Variants in GRIN2B observed in about 807,000 individuals in gnomAD.
GRIN2B encodes glutamate receptor ionotropic, NMDA 2B.
A neutral mutation model predicts 114.5 loss-of-function variants in GRIN2B; 5 were observed. The ratio of observed to expected loss-of-function variants is 0.04; its 90% CI spans 0.02 to 0.09. The LOEUF (loss-of-function observed/expected upper bound fraction) is 0.09. Ranked by LOEUF, GRIN2B falls within the 10% of genes least tolerant of loss-of-function variation. The pLI, the probability that GRIN2B is intolerant of heterozygous loss-of-function variation, is 1.00. For synonymous variants in GRIN2B, 787 were observed against 745.1 expected (o/e 1.06, Z -0.92); for missense variants, 1,108 against 1,943.5 (o/e 0.57, Z 8.08).
intron 10 of GRIN2B, among the ~76,000 whole-genome samples, chr12:13,590,267 A>G (rs1415247676): frequency 6.6e-6 from 1 of 152,102 alleles, no homozygotes; most frequent in African/African-American, 2.4e-5. Flanking sequence ...ACATGTGTAG[A>G]ACGTGCAGGT....
At chr12:13,631,934 G>A (rs1949618590) in intron 5 of GRIN2B, among the ~76,000 whole-genome samples, 1 of 152,218 alleles carries the variant, frequency 6.6e-6, no homozygotes, top group Admixed American at 6.5e-5. Context: ...CGGGTTTCCA[G>A]ATGTCTGACA....
intron 3 of GRIN2B, among the ~76,000 whole-genome samples, chr12:13,801,103 C>T (rs1254140766): frequency 2.0e-5 from 3 of 152,052 alleles, no homozygotes; most frequent in Non-Finnish European, 4.4e-5. Context: ...GCAAACAATA[C>T]GTACAATTTG....
intron 4 of GRIN2B, among the ~76,000 whole-genome samples, chr12:13,689,958 C>CTCTT (rs1565501201): frequency 1.3e-5 from 2 of 152,016 alleles, no homozygotes; most frequent in African/African-American, 4.8e-5. Flanking sequence ...GGCCTTCTCC[C>CTCTT]CTCTTCTCTC....
At chr12:13,768,131 C>T (rs1206265491) in intron 3 of GRIN2B, among the ~76,000 whole-genome samples, 1 of 152,212 alleles carries the variant, frequency 6.6e-6, no homozygotes, top group East Asian at 1.9e-4. Flanking sequence ...AGTTAAGCTT[C>T]CTTCTTTGAT....
At chr12:13,634,433 G>A (rs1949647912) in intron 5 of GRIN2B, among the ~76,000 whole-genome samples, 1 of 152,198 alleles carries the variant, frequency 6.6e-6, no homozygotes, top group South Asian at 2.1e-4. Context: ...TCTAAGCAGT[G>A]ATTTGGGAAC....
chr12:13,948,889 T>C (rs1867419148), intron 2 of GRIN2B, among the ~76,000 whole-genome samples: 1 of 152,064 alleles, frequency 6.6e-6, no homozygotes, highest in Non-Finnish European at 1.5e-5. Flanking sequence ...GGGCAGCCAC[T>C]CAGAAAACCC....
At chr12:13,805,874 C>T (rs1236635230) in intron 3 of GRIN2B, among the ~76,000 whole-genome samples, 1 of 152,100 alleles carries the variant, frequency 6.6e-6, no homozygotes, top group African/African-American at 2.4e-5. Context: ...ATCCTTTGAT[C>T]AACATACCCC....
chr12:13,847,268 C>T (rs1386149961), intron 3 of GRIN2B, among the ~76,000 whole-genome samples: 2 of 152,138 alleles, frequency 1.3e-5, no homozygotes, highest in African/African-American at 4.8e-5. Context: ...GCTCCTCACC[C>T]AGGCCCCCAC....
At chr12:13,960,320 G>A (rs1867667176) in intron 2 of GRIN2B, among the ~76,000 whole-genome samples, 1 of 152,120 alleles carries the variant, frequency 6.6e-6, no homozygotes, top group Non-Finnish European at 1.5e-5. Context: ...TTTAATCACT[G>A]TATTACTATT....
At chr12:13,935,720 A>G (rs1438281166) in intron 2 of GRIN2B, among the ~76,000 whole-genome samples, 1 of 152,252 alleles carries the variant, frequency 6.6e-6, no homozygotes, top group Non-Finnish European at 1.5e-5. Context: ...TAAATATTCA[A>G]TAAATGCTAA....
At chr12:13,687,348 G>C (rs541835627) in intron 4 of GRIN2B, among the ~76,000 whole-genome samples, 2 of 151,832 alleles carry the variant, frequency 1.3e-5, no homozygotes, top group African/African-American at 4.8e-5. Context: ...ATAATATCTT[G>C]GTTCTCCTTA....
intron 10 of GRIN2B, among the ~76,000 whole-genome samples, chr12:13,599,280 C>T (rs2136452806): frequency 6.6e-6 from 1 of 152,296 alleles, no homozygotes; most frequent in Middle Eastern, 3.4e-3. Context: ...TCAGCCCTAG[C>T]ATATGCCCAG....
rs1948618194 is a variant in GRIN2B, at chr12:13,564,891, T to G, written c.2599-252A>C. Among the ~76,000 whole-genome samples the G allele has an allele frequency of 6.6e-6, 1 of 152,232 alleles. No individual in the cohort carries two copies. Among genetic ancestry groups the G allele is most frequent in the Non-Finnish European group, 1.5e-5 (1 of 68,034 alleles). ...GGGGGCATGGCCCCACCCAGTAACT[T>G]GAGCAAAGGGACTGGAATCATAAGA... On this transcript the variant is annotated intron_variant, in intron 13 of 13. Transcript: ENST00000609686. The surrounding 1 kb of genome is among the most constrained non-coding windows in gnomAD (Gnocchi z 4.8).
intron 4 of GRIN2B, among the ~76,000 whole-genome samples, chr12:13,709,311 G>A (rs1950393156): frequency 6.6e-6 from 1 of 151,856 alleles, no homozygotes; most frequent in African/African-American, 2.4e-5. Flanking sequence ...ATGTCGGCTT[G>A]TACAAGAAAA....
intron 2 of GRIN2B, among the ~76,000 whole-genome samples, chr12:13,979,561 C>T (rs908819342): frequency 1.3e-5 from 2 of 151,198 alleles, no homozygotes; most frequent in African/African-American, 4.9e-5. Flanking sequence ...TCTAGATTCC[C>T]ATAAAAATCG....
At chr12:13,759,467 T>C (rs973966680) in intron 3 of GRIN2B, among the ~76,000 whole-genome samples, 1 of 152,202 alleles carries the variant, frequency 6.6e-6, no homozygotes, top group South Asian at 2.1e-4. Flanking sequence ...TTACATCCCT[T>C]TGTAGCAAAC....
At chr12:13,865,696 G>A (rs943729018) in intron 3 of GRIN2B, 102 bp downstream of exon 3, 44 of 968,246 alleles carry the variant, frequency 4.5e-5, no homozygotes, top group Middle Eastern at 3.1e-4. Flanking sequence ...ATGCAATCTG[G>A]TTACCTTCCA....
intron 3 of GRIN2B, among the ~76,000 whole-genome samples, chr12:13,794,173 A>G (rs1864371460): frequency 1.4e-5 from 2 of 142,268 alleles, no homozygotes; most frequent in South Asian, 4.4e-4. Flanking sequence ...TCATTGCACC[A>G]CTGCAGCCTG....
intron 3 of GRIN2B, among the ~76,000 whole-genome samples, chr12:13,809,336 G>C (rs220587): frequency 0.41 from 62,081 of 152,008 alleles, 12,890 homozygotes; most frequent in East Asian, 0.57. Flanking sequence ...CTATGATCAA[G>C]TCCCAGCCAC....
Sources: gnomAD v4.1 joint callset for allele counts (sites outside exome capture counted in the v4.1 genomes callset) on GRCh38, gnomAD v4.1.1 for gene constraint, Gnocchi (gnomAD v3.1) non-coding constraint, MANE v1.5 for transcripts, NCBI Gene and HGNC (gene_info 2026-07-23, HGNC 2026-07-21) for gene names.